Variants in EHMT2 observed in about 807,000 individuals in gnomAD.
The protein encoded by EHMT2 is histone-lysine N-methyltransferase EHMT2.
In EHMT2, 59 loss-of-function variants were observed where a neutral mutation model predicts 143.3. That is an observed-to-expected ratio of 0.41 (90% CI 0.33 to 0.51). The LOEUF is 0.51. EHMT2 is among the 20% of genes least tolerant of loss of function. The pLI, the probability that EHMT2 is intolerant of heterozygous loss-of-function variation, is 0.18. For synonymous variants in EHMT2, 604 were observed against 651.5 expected, an observed-to-expected ratio of 0.93 and a Z score of 1.11; for missense variants, 1,174 against 1,645.9, an observed-to-expected ratio of 0.71 and a Z score of 4.96.
rs977787280 is a variant in EHMT2 at position 31,884,534 on chromosome 6, G to C, written c.2629C>G (p.Pro877Ala). 2.5e-6 allele frequency: 4 copies of C among 1,612,956 alleles called. No individual in the cohort carries two copies. Among genetic ancestry groups the C allele is most frequent in the Non-Finnish European group, 3.4e-6 (4 of 1,180,000 alleles). Residue 877 changes from proline to alanine, a missense_variant, in exon 21 of 28, where the codon CCT becomes GCT. Pro to Ala is a conservative substitution (Grantham distance 27). Transcript: ENST00000375537. This position sits in a 1 kb window ranked among gnomAD's most constrained non-coding sequence, Gnocchi z 7.3. ...TCCCCCTCTTTGTTCCGCAGCTCAG[G>C]GTTGGCCCCACGTGACAGGAATAAC...
rs1411173348 is a variant in EHMT2, at chr6:31,882,063, C to T, written c.3197+636G>A. Reference sequence around the variant, plus strand: ...GAGACTGCAGTGAGCCAAGATTGTGCCATTGCACTCCAGCTTGGGCAACAA... The same window carrying T: ...GAGACTGCAGTGAGCCAAGATTGTGTCATTGCACTCCAGCTTGGGCAACAA... On this transcript the variant is annotated intron_variant, in intron 25 of 27. Coordinates refer to ENST00000375537, the Ensembl canonical transcript of EHMT2. Among the ~76,000 whole-genome samples, 3 of 150,712 alleles carry T rather than the reference C, an allele frequency of 2.0e-5. 1 individual carries two copies. The Admixed American group carries it at 2.0e-4, about 10-fold the overall frequency.
intron 18 of EHMT2, 87 bp from the exon 19 acceptor site, chr6:31,885,103 C>T (rs1378745710): frequency 2.7e-5 from 40 of 1,457,838 alleles, no homozygotes; most frequent in Non-Finnish European, 3.5e-5. Context: ...GTGTGTGAAT[C>T]CCAGCTCCAC....
chr6:31,882,571 C>T lies in EHMT2; in HGVS notation c.3197+128G>A. ...CTGCAGGAATAGGGGTCAGAGGAGGCTGGCTGGAGAGTGGCCAGATGGAGA... is the reference window on the plus strand; with the variant it reads ...CTGCAGGAATAGGGGTCAGAGGAGGTTGGCTGGAGAGTGGCCAGATGGAGA... On this transcript the variant is annotated intron_variant, in intron 25 of 27. Transcript: ENST00000375537. 4 of 933,706 alleles carry T rather than the reference C, an allele frequency of 4.3e-6. No individual in the cohort carries two copies. In the East Asian group the frequency reaches 7.9e-5, roughly 18 times the overall value. The allele number at this position is 933,706 out of a possible 1,614,324, so 57.8% of individuals were successfully genotyped here.
chr6:31,883,971 G>A lies in EHMT2; in HGVS notation c.2772-21C>T. 6.2e-7 allele frequency: 1 copy of A among 1,610,952 alleles called. No individual in the cohort carries two copies. Among genetic ancestry groups the A allele is most frequent in the Admixed American group, 1.7e-5 (1 of 59,890 alleles). On this transcript the variant is annotated intron_variant, in intron 21 of 27. Coordinates refer to ENST00000375537, the Ensembl canonical transcript of EHMT2. This position sits in a 1 kb window ranked among gnomAD's most constrained non-coding sequence, Gnocchi z 5.6. ...CGTCCCTGCAGAAGACGGGAAGAAG[G>A]GGCTGGGAAGCTGGAAAAGGGGGTG...
Position 31,885,391 on chromosome 6 carries a change from C to T in EHMT2, c.2344-375G>A, listed in dbSNP as rs532868037. On this transcript the variant is annotated intron_variant, in intron 18 of 27. Transcript: ENST00000375537. ...TACTAGGGAGGCTGAGGCAGAATGG[C>T]GTGAACCCGGGAGGCGGAGCTTGCA... 91 of 172,054 alleles carry T rather than the reference C, an allele frequency of 5.3e-4. 1 individual carries two copies. Among genetic ancestry groups the T allele is most frequent in the Admixed American group, 1.7e-3 (29 of 17,162 alleles). The allele number at this position is 172,054 out of a possible 1,614,324, so 10.7% of individuals were successfully genotyped here. A position where few individuals can be genotyped will look rare whatever the true frequency, so the allele number is the denominator to read the frequency against.
chr6:31,882,646 A>G, intron 25 of EHMT2, 53 bp downstream of exon 25: 1 of 1,533,910 alleles, frequency 6.5e-7, no homozygotes, highest in East Asian at 2.3e-5. Context: ...GGCAGTCAGC[A>G]GTGGCCATGT....
rs752764077 is a variant in EHMT2, at chr6:31,880,185, A to G, written c.3532T>C (p.Ser1178Pro). The change falls in exon 28 of 28, where the codon TCA (serine) becomes CCA (proline). Residue 1178 changes from serine (S) to proline (P), a missense_variant. Physicochemically the swap from Ser to Pro is moderately conservative, Grantham distance 74. This residue lies in a region of EHMT2 where 42 missense variants were observed against 45.1 expected (regional missense o/e 0.93). Coordinates refer to ENST00000375537, the Ensembl canonical transcript of EHMT2. The surrounding 1 kb of genome is among the most constrained non-coding windows in gnomAD (Gnocchi z 6.6). ...TGCTCCAGGGCAATGGCTTCGGCTG[A>G]GTGCTTGCACTTCTCAGAGCCACAT... 6.2e-7 allele frequency: 1 copy of G among 1,613,018 alleles called. No individual in the cohort carries two copies.
At position 31,888,350 on chromosome 6, in the gene EHMT2, A is replaced by C; in HGVS notation, c.1509+13T>G. 6.2e-7 allele frequency: 1 copy of C among 1,612,182 alleles called. No individual in the cohort carries two copies. Among genetic ancestry groups the C allele is most frequent in the Non-Finnish European group, 8.5e-7 (1 of 1,179,556 alleles). On this transcript the variant is annotated intron_variant, in intron 12 of 27. Transcript: ENST00000375537. The surrounding 1 kb of genome is among the most constrained non-coding windows in gnomAD (Gnocchi z 7.4). ...ACAGGGCATGCTACCTGTCTGCCCCACTGGTCACTCACCGCCGTGCAGAAG... is the reference window on the plus strand; with the variant it reads ...ACAGGGCATGCTACCTGTCTGCCCCCCTGGTCACTCACCGCCGTGCAGAAG...
At chr6:31,897,394 G>A (rs575548873) in intron 1 of EHMT2, among the ~76,000 whole-genome samples, 1 of 150,724 alleles carries the variant, frequency 6.6e-6, no homozygotes, top group South Asian at 2.1e-4. Context: ...CGTGCTCCTG[G>A]GGCCCCGGCG....
intron 7 of EHMT2, among the ~76,000 whole-genome samples, chr6:31,890,867 A>T (rs949113404): frequency 7.8e-6 from 1 of 128,228 alleles, no homozygotes; most frequent in Non-Finnish European, 1.8e-5. Flanking sequence ...TCCATCTCAA[A>T]AAACAAAAAC....
Position 31,888,555 on chromosome 6 carries a change from G to A in EHMT2, c.1365+44C>T. On this transcript the variant is annotated intron_variant, in intron 11 of 27. Coordinates refer to ENST00000375537, the Ensembl canonical transcript of EHMT2. This position sits in a 1 kb window ranked among gnomAD's most constrained non-coding sequence, Gnocchi z 7.4. ...GAAGAGAGCGTGAGGCTGGGGCCGG[G>A]GACTGGACGCCCTGGCACCTCTCCC... 6.2e-7 allele frequency: 1 copy of A among 1,609,494 alleles called. No homozygotes were observed. The highest frequency in any genetic ancestry group is 8.5e-7 in the Non-Finnish European group (1 of 1,178,610).
chr6:31,885,493 A>C, intron 18 of EHMT2: 1 of 153,584 alleles, frequency 6.5e-6, no homozygotes, highest in Non-Finnish European at 1.4e-5. Context: ...AACAAACAAA[A>C]ATGGGACTAG....
Position 31,880,200 on chromosome 6 carries a change from C to G in EHMT2, c.3517G>C (p.Glu1173Gln), listed in dbSNP as rs1289051807. The change falls in exon 28 of 28, where the codon GAG (glutamate) becomes CAG (glutamine). Residue 1173 changes from glutamate to glutamine, a missense_variant. This residue lies in a region of EHMT2 where 44 missense variants were observed against 113.5 expected (regional missense o/e 0.39). Transcript: ENST00000375537. This position sits in a 1 kb window ranked among gnomAD's most constrained non-coding sequence, Gnocchi z 6.6. The stretch of plus-strand genomic sequence containing the variant: ...GCTTCGGCTGAGTGCTTGCACTTCT[C>G]AGAGCCACATTGGCAGGTGAAATAT... The G allele has an allele frequency of 1.2e-6, 2 of 1,613,026 alleles. No homozygotes were observed. Among genetic ancestry groups the G allele is most frequent in the Admixed American group, 1.7e-5 (1 of 60,020 alleles).
At chr6:31,882,572 T>G (rs1764250973) in intron 25 of EHMT2, 127 bp downstream of exon 25, 3 of 941,514 alleles carry the variant, frequency 3.2e-6, no homozygotes. Context: ...CAGAGGAGGC[T>G]GGCTGGAGAG....
rs1764425534 is a variant in EHMT2 at position 31,883,737 on chromosome 6, TG to T, written c.2916+68del. The T allele has an allele frequency of 5.7e-6, 9 of 1,578,434 alleles. No homozygotes were observed. The South Asian group carries it at 8.9e-5, about 16-fold the overall frequency. On this transcript the variant is annotated intron_variant, in intron 22 of 27. Coordinates refer to ENST00000375537, the Ensembl canonical transcript of EHMT2. The surrounding 1 kb of genome is among the most constrained non-coding windows in gnomAD (Gnocchi z 5.6). ...CCTTGGCCAGGTGCCTTTGCTGGTT[TG>T]AAGCTTGTCCAACTGTACTTGGCAG...
At position 31,881,492 on chromosome 6, in the gene EHMT2, A is replaced by G; in HGVS notation, c.3198-400T>C. 3.4e-6 allele frequency: 1 copy of G among 296,738 alleles called. No homozygotes were observed. Among genetic ancestry groups the G allele is most frequent in the South Asian group, 4.1e-5 (1 of 24,188 alleles). The allele number at this position is 296,738 out of a possible 1,614,324, so 18.4% of individuals were successfully genotyped here. A position where few individuals can be genotyped will look rare whatever the true frequency, so the allele number is the denominator to read the frequency against. ...GGAGTGGCAAGGAACTCAAGGCATGATTCGGGGCAAGAGCACCCACACATA... is the reference window on the plus strand; with the variant it reads ...GGAGTGGCAAGGAACTCAAGGCATGGTTCGGGGCAAGAGCACCCACACATA... On this transcript the variant is annotated intron_variant, in intron 25 of 27. Coordinates refer to ENST00000375537, the Ensembl canonical transcript of EHMT2. This position sits in a 1 kb window ranked among gnomAD's most constrained non-coding sequence, Gnocchi z 4.8.
chr6:31,890,743 T>C (rs1250317017), intron 7 of EHMT2, among the ~76,000 whole-genome samples: 17 of 149,500 alleles, frequency 1.1e-4, no homozygotes, highest in African/African-American at 4.1e-4. Context: ...TGGGTGCCTG[T>C]AATCCCAGCT....
At position 31,896,528 on chromosome 6, in the gene EHMT2, G is replaced by A. The variant is rs1162764032; in HGVS notation, c.329-12C>T. The A allele has an allele frequency of 2.5e-6, 4 of 1,611,228 alleles. No homozygotes were observed. The highest frequency in any genetic ancestry group is 3.3e-4 in the Middle Eastern group (2 of 6,048). ...CTTTGTGGCATGGCCTAGAAAACAG[G>A]CAAGCAAAAGGCAAGATAAGAAAGA... On this transcript the variant is annotated splice_polypyrimidine_tract_variant and intron_variant, in intron 3 of 27. Coordinates refer to ENST00000375537, the Ensembl canonical transcript of EHMT2.
Position 31,896,186 on chromosome 6 carries a change from A to G in EHMT2, c.582+77T>C, listed in dbSNP as rs1446455446. On this transcript the variant is annotated intron_variant, in intron 4 of 27. Coordinates refer to ENST00000375537, the Ensembl canonical transcript of EHMT2. Reference sequence around the variant, plus strand: ...AAATATGTGAATGAGTAAATGGAGTAGAAGCCTTAAGTGAAACTGTAAAAG... The same window carrying G: ...AAATATGTGAATGAGTAAATGGAGTGGAAGCCTTAAGTGAAACTGTAAAAG... 4.6e-6 allele frequency: 7 copies of G among 1,527,304 alleles called. No individual in the cohort carries two copies. In the African/African-American group the frequency reaches 6.9e-5, roughly 15 times the overall value. 94.6% of individuals were successfully genotyped at this position (1,527,304 alleles called of 1,614,324 possible).
Sources: allele counts gnomAD v4.1 joint callset (sites outside exome capture counted in the v4.1 genomes callset), GRCh38; gene constraint gnomAD v4.1.1; regional missense constraint gnomAD v4.1.1; non-coding constraint Gnocchi (gnomAD v3.1); transcripts MANE v1.5; gene names NCBI Gene and HGNC (gene_info 2026-07-23, HGNC 2026-07-21).